The following CPED1 variants were observed in gnomAD, a reference collection of about 807,000 sequenced individuals.
CPED1 encodes cadherin-like and PC-esterase domain-containing protein 1.
Under a neutral mutation model 128.2 loss-of-function variants are expected in CPED1, and 114 were observed. The observed-to-expected ratio is 0.89, with a 90% CI of 0.76 to 1.04. The LOEUF is 1.04. CPED1 is among the 50% of genes least tolerant of loss of function. The pLI, the probability that CPED1 is intolerant of heterozygous loss-of-function variation, is 0.00. For synonymous variants in CPED1, 462 were observed against 426.7 expected (o/e 1.08, Z -1.02); for missense variants, 1,211 against 1,207.1 (o/e 1.00, Z -0.05).
chr7:121,053,788 T>C (rs942765313), intron 4 of CPED1, among the ~76,000 whole-genome samples: 1 of 152,232 alleles, frequency 6.6e-6, no homozygotes, highest in Non-Finnish European at 1.5e-5. Flanking sequence ...AATTTATTTA[T>C]TCAATAATTT....
At chr7:121,098,744 A>ATATAT (rs1491378841) in intron 6 of CPED1, among the ~76,000 whole-genome samples, 706 of 34,308 alleles carry the variant, frequency 0.021, 20 homozygotes, top group African/African-American at 0.041. Flanking sequence ...ATATATATAT[A>ATATAT]AAAATATATA....
intron 7 of CPED1, among the ~76,000 whole-genome samples, chr7:121,116,958 CTCTCTATA>C (rs1223682485): frequency 2.5e-5 from 2 of 80,762 alleles, no homozygotes; most frequent in African/African-American, 4.1e-5. Context: ...CTCTCTCTCT[CTCTCTATA>C]TATATATATA....
chr7:121,276,099 C>T (rs1792324420), intron 22 of CPED1, among the ~76,000 whole-genome samples: 1 of 152,078 alleles, frequency 6.6e-6, no homozygotes, highest in African/African-American at 2.4e-5. Context: ...TGAGTATCTA[C>T]TCTATGCAAG....
chr7:121,140,702 A>G, intron 14 of CPED1, 125 bp from the exon 15 acceptor site: 5 of 660,734 alleles, frequency 7.6e-6, no homozygotes, highest in Non-Finnish European at 1.0e-5. Flanking sequence ...TACTGATTGG[A>G]AAGTCAGCAG....
chr7:121,258,238 T>C (rs10266975), intron 18 of CPED1, among the ~76,000 whole-genome samples: 63,170 of 152,036 alleles, frequency 0.42, 13,578 homozygotes, highest in Middle Eastern at 0.52. Context: ...TTTTTGATAT[T>C]ATGTTGTTCA....
chr7:121,047,650 T>TTCCTCTTCC (rs1427707716), intron 4 of CPED1, among the ~76,000 whole-genome samples: 49 of 3,000 alleles, frequency 0.016, 3 homozygotes, highest in Middle Eastern at 0.25. Flanking sequence ...AGCACCTTTC[T>TTCCTCTTCC]TCTTCTTCTT....
chr7:121,143,816 T>C (rs1276078558), intron 16 of CPED1, among the ~76,000 whole-genome samples: 1 of 151,934 alleles, frequency 6.6e-6, no homozygotes, highest in African/African-American at 2.4e-5. Context: ...GCTATACACC[T>C]AAGATAAATG....
chr7:121,249,454 G>C (rs1798616637), intron 18 of CPED1, among the ~76,000 whole-genome samples: 1 of 152,104 alleles, frequency 6.6e-6, no homozygotes, highest in African/African-American at 2.4e-5. Flanking sequence ...CATACAGAGG[G>C]AACCACATTA....
chr7:121,143,663 C>A (rs868534842), intron 16 of CPED1, among the ~76,000 whole-genome samples: 4 of 151,860 alleles, frequency 2.6e-5, no homozygotes, highest in Admixed American at 6.6e-5. Context: ...ATAATTATTT[C>A]TAAACTAAAT....
chr7:121,084,142 C>T (rs988899072), intron 5 of CPED1, among the ~76,000 whole-genome samples: 1 of 151,998 alleles, frequency 6.6e-6, no homozygotes, highest in African/African-American at 2.4e-5. Context: ...AGGCTCCTTC[C>T]CCCTAATATC....
chr7:121,082,055 CAGAA>C (rs1794308224), intron 5 of CPED1, among the ~76,000 whole-genome samples: 1 of 152,112 alleles, frequency 6.6e-6, no homozygotes, highest in African/African-American at 2.4e-5. Flanking sequence ...ACAGTGATGG[CAGAA>C]ATCAGGAATC....
chr7:121,067,273 C>T (rs1039873457), intron 5 of CPED1, among the ~76,000 whole-genome samples: 5 of 151,760 alleles, frequency 3.3e-5, no homozygotes, highest in Admixed American at 2.0e-4. Context: ...CATTCCCCCA[C>T]CCCACAACAG....
intron 17 of CPED1, among the ~76,000 whole-genome samples, chr7:121,238,903 T>C (rs1798323315): frequency 6.6e-6 from 1 of 152,054 alleles, no homozygotes; most frequent in Non-Finnish European, 1.5e-5. Flanking sequence ...GATTTTAAAA[T>C]GATTGCTGAA....
chr7:121,132,281 C>T (rs1276918305), intron 12 of CPED1, among the ~76,000 whole-genome samples: 1 of 152,050 alleles, frequency 6.6e-6, no homozygotes, highest in Non-Finnish European at 1.5e-5. Flanking sequence ...AGGACCCTAG[C>T]CTTCTCACCA....
chr7:121,248,218 G>C (rs1022836530), intron 18 of CPED1, among the ~76,000 whole-genome samples: 2 of 75,594 alleles, frequency 2.6e-5, no homozygotes, highest in Non-Finnish European at 7.0e-5. Flanking sequence ...GGGATGACAT[G>C]TGTGGTTTCA....
chr7:121,101,240 G>A (rs559522550), intron 7 of CPED1, among the ~76,000 whole-genome samples: 3 of 146,424 alleles, frequency 2.0e-5, no homozygotes, highest in Non-Finnish European at 4.5e-5. Context: ...CCCTTTTTTG[G>A]TTTTTTTTTT....
intron 11 of CPED1, among the ~76,000 whole-genome samples, chr7:121,128,690 G>A (rs887117744): frequency 2.0e-5 from 3 of 152,138 alleles, no homozygotes; most frequent in Non-Finnish European, 4.4e-5. Context: ...CAAACAATAT[G>A]TGACTTATTA....
At chr7:120,989,345 T>C in intron 1 of CPED1, 46 bp from the exon 2 acceptor site, 1 of 407,020 alleles carries the variant, frequency 2.5e-6, no homozygotes, top group Non-Finnish European at 4.6e-6. Context: ...TACACTCAGG[T>C]TATTCGTTAC....
At chr7:121,142,986 C>T (rs537006189) in intron 16 of CPED1, among the ~76,000 whole-genome samples, 54 of 151,970 alleles carry the variant, frequency 3.6e-4, no homozygotes, top group African/African-American at 1.2e-3. Context: ...AGCATGGTTA[C>T]CATGTTTTTT....
Sources: allele counts gnomAD v4.1 joint callset (sites outside exome capture counted in the v4.1 genomes callset), GRCh38; gene constraint gnomAD v4.1.1; transcripts MANE v1.5; gene names NCBI Gene and HGNC (gene_info 2026-07-23, HGNC 2026-07-21).